The following SORCS3 variants were observed in gnomAD, a reference collection of about 807,000 sequenced individuals.
SORCS3 encodes the protein sortilin related VPS10 domain containing receptor 3.
In SORCS3, 57 loss-of-function variants were observed where a neutral mutation model predicts 146.3. That is an observed-to-expected ratio of 0.39 (90% confidence interval 0.31 to 0.49). The LOEUF is 0.49. Ranked by LOEUF, SORCS3 falls within the 20% of genes least tolerant of loss-of-function variation. SORCS3 has a pLI of 0.92. For synonymous variants in SORCS3, 653 were observed against 618.5 expected, an observed-to-expected ratio of 1.06 and a Z score of -0.83; for missense variants, 1,341 against 1,575.5, an observed-to-expected ratio of 0.85 and a Z score of 2.52.
intron 1 of SORCS3, among the ~76,000 whole-genome samples, chr10:104,786,077 C>T (rs1180824516): frequency 6.6e-6 from 1 of 152,132 alleles, no homozygotes; most frequent in African/African-American, 2.4e-5. Context: ...TCTCTGAGCA[C>T]TGCTATTCTT....
At chr10:104,921,175 C>T (rs2019082988) in intron 3 of SORCS3, among the ~76,000 whole-genome samples, 2 of 152,228 alleles carry the variant, frequency 1.3e-5, no homozygotes, top group Non-Finnish European at 2.9e-5. Context: ...GAACTCATTA[C>T]TGTCAGTTGT....
intron 22 of SORCS3, among the ~76,000 whole-genome samples, chr10:105,249,642 G>A (rs2056887452): frequency 6.6e-6 from 1 of 152,116 alleles, no homozygotes. Flanking sequence ...AGCACTTTGG[G>A]AGCCGAGGCA....
At chr10:104,992,744 G>C (rs1315538166) in intron 4 of SORCS3, among the ~76,000 whole-genome samples, 1 of 152,128 alleles carries the variant, frequency 6.6e-6, no homozygotes, top group Non-Finnish European at 1.5e-5. Flanking sequence ...ACTTCATCTA[G>C]CTAGTTCTGA....
chr10:104,759,131 G>A (rs896543648), intron 1 of SORCS3, among the ~76,000 whole-genome samples: 3 of 152,274 alleles, frequency 2.0e-5, no homozygotes, highest in East Asian at 1.9e-4. Flanking sequence ...ACACATATAG[G>A]GAGGATGCCA....
intron 1 of SORCS3, among the ~76,000 whole-genome samples, chr10:104,715,503 G>A (rs2016466084): frequency 6.6e-6 from 1 of 152,082 alleles, no homozygotes; most frequent in African/African-American, 2.4e-5. Flanking sequence ...GGACTTCTCA[G>A]CCTCCATAAT....
At chr10:104,716,810 T>A (rs1056791136) in intron 1 of SORCS3, among the ~76,000 whole-genome samples, 18 of 152,132 alleles carry the variant, frequency 1.2e-4, no homozygotes, top group Non-Finnish European at 4.4e-5. Context: ...TGGAGACAGA[T>A]CTCCCTCCAT....
chr10:105,027,585 T>C (rs1403523413), intron 4 of SORCS3, among the ~76,000 whole-genome samples: 1 of 152,124 alleles, frequency 6.6e-6, no homozygotes, highest in East Asian at 1.9e-4. Flanking sequence ...TTTTTCATGG[T>C]CATTCACAGA....
At chr10:104,653,927 T>C (rs1433857170) in intron 1 of SORCS3, among the ~76,000 whole-genome samples, 1 of 152,188 alleles carries the variant, frequency 6.6e-6, no homozygotes, top group Non-Finnish European at 1.5e-5. Context: ...TTTGTACCCA[T>C]TAATAATCCC....
At chr10:104,773,620 A>G (rs1290603533) in intron 1 of SORCS3, among the ~76,000 whole-genome samples, 7 of 152,222 alleles carry the variant, frequency 4.6e-5, no homozygotes, top group African/African-American at 1.7e-4. Context: ...AGGAACTCAG[A>G]ATAGGGAGGC....
chr10:105,215,421 C>T (rs1564786815), intron 18 of SORCS3, among the ~76,000 whole-genome samples: 1 of 152,048 alleles, frequency 6.6e-6, no homozygotes, highest in East Asian at 1.9e-4. Context: ...CATTTTTTTT[C>T]ACAAGTATGA....
chr10:105,024,874 T>C (rs1480229499), intron 4 of SORCS3, among the ~76,000 whole-genome samples: 3 of 152,206 alleles, frequency 2.0e-5, no homozygotes, highest in African/African-American at 2.4e-5. Flanking sequence ...GTAAGTAACA[T>C]TTCTTAGCTA....
chr10:104,892,837 T>C (rs2018762019), intron 2 of SORCS3, among the ~76,000 whole-genome samples: 1 of 152,160 alleles, frequency 6.6e-6, no homozygotes, highest in Non-Finnish European at 1.5e-5. Context: ...CTGTAACACA[T>C]AGTGTGTTCT....
At chr10:104,986,688 G>T (rs985875023) in intron 4 of SORCS3, among the ~76,000 whole-genome samples, 2 of 152,154 alleles carry the variant, frequency 1.3e-5, no homozygotes, top group Non-Finnish European at 2.9e-5. Flanking sequence ...TTTGAATGTT[G>T]TTATGTCTTA....
At chr10:105,019,363 G>A (rs1346033350) in intron 4 of SORCS3, among the ~76,000 whole-genome samples, 2 of 152,100 alleles carry the variant, frequency 1.3e-5, no homozygotes, top group Non-Finnish European at 2.9e-5. Context: ...CACACTTCAG[G>A]TTGGCATTTG....
At chr10:105,137,752 CTG>C (rs1425573997) in intron 7 of SORCS3, among the ~76,000 whole-genome samples, 2 of 152,198 alleles carry the variant, frequency 1.3e-5, no homozygotes, top group East Asian at 3.9e-4. Flanking sequence ...CCTTAGTAAT[CTG>C]TGTTTTCACA....
chr10:104,916,770 A>C (rs1003581232), intron 3 of SORCS3, among the ~76,000 whole-genome samples: 1 of 152,102 alleles, frequency 6.6e-6, no homozygotes, highest in Non-Finnish European at 1.5e-5. Flanking sequence ...AAAGGCTAAA[A>C]AAAAATGGCA....
At chr10:105,099,050 G>T (rs2055765747) in intron 6 of SORCS3, among the ~76,000 whole-genome samples, 1 of 152,126 alleles carries the variant, frequency 6.6e-6, no homozygotes, top group Non-Finnish European at 1.5e-5. Flanking sequence ...GCCTTTGTTT[G>T]TTTTTAGAAT....
intron 13 of SORCS3, among the ~76,000 whole-genome samples, chr10:105,173,368 G>C (rs2056375559): frequency 6.6e-6 from 1 of 151,966 alleles, no homozygotes; most frequent in Admixed American, 6.6e-5. Flanking sequence ...TGCTTCTTCT[G>C]TTCTTCTAAT....
At chr10:104,904,771 G>C (rs1484332380) in intron 2 of SORCS3, among the ~76,000 whole-genome samples, 3 of 138,256 alleles carry the variant, frequency 2.2e-5, no homozygotes, top group East Asian at 3.9e-4. Flanking sequence ...ATATGATGTG[G>C]CTATCTTGTG....
Sources: gnomAD v4.1 joint callset for allele counts (sites outside exome capture counted in the v4.1 genomes callset) on GRCh38, gnomAD v4.1.1 for gene constraint, MANE v1.5 for transcripts, NCBI Gene and HGNC (gene_info 2026-07-23, HGNC 2026-07-21) for gene names.